The following MGST2 variants were observed in gnomAD, a reference collection of about 807,000 sequenced individuals.
MGST2 encodes the protein glutathione peroxidase MGST2.
A neutral mutation model predicts 16.6 loss-of-function variants in MGST2; 9 were observed. That is an observed-to-expected ratio of 0.54 (90% CI 0.33 to 0.95). The LOEUF (loss-of-function observed/expected upper bound fraction) is 0.95, where lower values mean the gene tolerates loss of function less well. Ranked by LOEUF, MGST2 falls within the 40% of genes least tolerant of loss-of-function variation. The pLI is 0.03. For synonymous variants in MGST2, 79 were observed against 68.0 expected (o/e 1.16, Z -0.79); for missense variants, 159 against 175.1 (o/e 0.91, Z 0.52).
downstream of MGST2, among the ~76,000 whole-genome samples, chr4:139,707,366 A>G (rs1453652516): frequency 6.6e-6 from 1 of 152,148 alleles, no homozygotes; most frequent in East Asian, 1.9e-4. Flanking sequence ...CCATGTCCCT[A>G]CAAAGGACAT....
intron 2 of MGST2, among the ~76,000 whole-genome samples, chr4:139,690,854 A>G (rs1579313787): frequency 6.6e-6 from 1 of 152,192 alleles, no homozygotes; most frequent in African/African-American, 2.4e-5. Context: ...TACCAGATCC[A>G]GGTGGGAATG....
intron 2 of MGST2, among the ~76,000 whole-genome samples, chr4:139,693,748 T>C (rs911269791): frequency 1.3e-5 from 2 of 152,202 alleles, no homozygotes; most frequent in African/African-American, 4.8e-5. Flanking sequence ...GTATCAGTGT[T>C]AGGCTTTAGA....
chr4:139,695,977 C>T (rs889574020), intron 3 of MGST2, among the ~76,000 whole-genome samples: 2 of 152,204 alleles, frequency 1.3e-5, no homozygotes, highest in African/African-American at 2.4e-5. Flanking sequence ...TTACTGAGTA[C>T]AGTCTACTAA....
chr4:139,720,275 C>G, intron 5 of MGST2: 1 of 1,572,032 alleles, frequency 6.4e-7, no homozygotes, highest in Non-Finnish European at 8.6e-7. Context: ...CGTTCGCATG[C>G]TCTGGAGGGC....
chr4:139,738,513 A>C (rs1008891223), intron 5 of MGST2, among the ~76,000 whole-genome samples: 1 of 152,212 alleles, frequency 6.6e-6, no homozygotes, highest in Non-Finnish European at 1.5e-5. Context: ...ACTGCACTCC[A>C]GCCTGGGCAC....
chr4:139,682,242 T>TAA (rs10711495), intron 2 of MGST2, among the ~76,000 whole-genome samples: 1 of 144,678 alleles, frequency 6.9e-6, no homozygotes, highest in Non-Finnish European at 1.5e-5. Context: ...TAATTGGTGC[T>TAA]AAAAAAAAAA....
downstream of MGST2, chr4:139,704,253 A>G: frequency 7.1e-7 from 1 of 1,417,002 alleles, no homozygotes. Context: ...TTTTCTTGAA[A>G]TGGCTTTGTA....
chr4:139,749,070 C>T, the MGST2 span, among the ~76,000 whole-genome samples: 1 of 152,172 alleles, frequency 6.6e-6, no homozygotes, highest in Admixed American at 6.5e-5. Flanking sequence ...AAGCTCTAAA[C>T]AGAGCTCAAA....
At chr4:139,689,298 C>T (rs1216628954) in intron 2 of MGST2, among the ~76,000 whole-genome samples, 5 of 152,066 alleles carry the variant, frequency 3.3e-5, no homozygotes, top group Admixed American at 3.3e-4. Flanking sequence ...TCCCTGCATG[C>T]TCTTTGTGTT....
At chr4:139,681,709 CT>C (rs1239152636) in intron 2 of MGST2, among the ~76,000 whole-genome samples, 1 of 151,958 alleles carries the variant, frequency 6.6e-6, no homozygotes, top group African/African-American at 2.4e-5. Context: ...ATCTTTGTGT[CT>C]TTTTTGGCCT....
chr4:139,733,294 GA>G (rs1183059487), intron 5 of MGST2, among the ~76,000 whole-genome samples: 1 of 152,220 alleles, frequency 6.6e-6, no homozygotes, highest in East Asian at 1.9e-4. Flanking sequence ...CCCAAGGGAA[GA>G]TAAAGTTTTC....
chr4:139,754,139 C>T, the MGST2 span, among the ~76,000 whole-genome samples: 54 of 152,284 alleles, frequency 3.5e-4, no homozygotes, highest in Non-Finnish European at 6.3e-4. Context: ...ACTGAAACTG[C>T]AAAACTTGAA....
At chr4:139,733,484 G>A (rs1728805440) in intron 5 of MGST2, among the ~76,000 whole-genome samples, 1 of 150,662 alleles carries the variant, frequency 6.6e-6, no homozygotes, top group African/African-American at 2.4e-5. Flanking sequence ...CAAATGGGGT[G>A]ACGACGATAC....
intron 5 of MGST2, among the ~76,000 whole-genome samples, chr4:139,727,839 C>T (rs1376095098): frequency 6.6e-6 from 1 of 152,148 alleles, no homozygotes; most frequent in African/African-American, 2.4e-5. Context: ...AATCTGTTTC[C>T]AAAATCCAAA....
Position 139,675,864 on chromosome 4 carries a change from A to G in MGST2, c.59-2679A>G, listed in dbSNP as rs115280277. On this transcript the variant is annotated intron_variant, in intron 1 of 4. Coordinates refer to ENST00000265498, the MANE Select transcript of MGST2 (RefSeq NM_002413.5). ...TCGTAATGTCAGCAAGGGTTGCACA[A>G]TGAGTTTTGTCATGCATGCATTCCG... Among the ~76,000 whole-genome samples the G allele has an allele frequency of 2.1e-3, 324 of 152,330 alleles. 1 individual carries two copies. Among genetic ancestry groups the G allele is most frequent in the African/African-American group, 7.5e-3 (313 of 41,564 alleles).
rs530400620 is a variant in MGST2 at position 139,735,099 on chromosome 4, G to C, written c.*49-5113G>C. Among the ~76,000 whole-genome samples the C allele has an allele frequency of 6.6e-6, 1 of 152,198 alleles. No individual in the cohort carries two copies. Among genetic ancestry groups the C allele is most frequent in the Admixed American group, 6.5e-5 (1 of 15,290 alleles). ...CGGCCCCCGCCCCGCGCGTCTGGGC[G>C]AGCGCTGCGAACGTGGAGCCAGGCA... On this transcript the variant is annotated intron_variant, in intron 5 of 5. Transcript: ENST00000616265. The surrounding 1 kb of genome is among the most constrained non-coding windows in gnomAD (Gnocchi z 5.8).
intron 1 of MGST2, among the ~76,000 whole-genome samples, chr4:139,673,590 A>G (rs2110802242): frequency 2.6e-5 from 4 of 151,946 alleles, no homozygotes; most frequent in Admixed American, 2.6e-4. Context: ...TTGTATTTTT[A>G]TTTTCTAGAC....
intron 3 of MGST2, among the ~76,000 whole-genome samples, chr4:139,703,168 C>T (rs1727365504): frequency 6.6e-6 from 1 of 151,472 alleles, no homozygotes; most frequent in Non-Finnish European, 1.5e-5. Context: ...TCAAGTGATT[C>T]ACCCCCCCTC....
chr4:139,741,663 C>G (rs1208917871), downstream of MGST2, among the ~76,000 whole-genome samples: 2 of 152,270 alleles, frequency 1.3e-5, no homozygotes, highest in East Asian at 3.9e-4. Flanking sequence ...GGGAGGATCG[C>G]TTGAGCCTGG....
Sources: gnomAD v4.1 joint callset for allele counts (sites outside exome capture counted in the v4.1 genomes callset) on GRCh38, gnomAD v4.1.1 for gene constraint, Gnocchi (gnomAD v3.1) non-coding constraint, MANE v1.5 for transcripts, NCBI Gene and HGNC (gene_info 2026-07-23, HGNC 2026-07-21) for gene names.